IL1RAPL2: variants seen among roughly 807,000 people sequenced by gnomAD.
IL1RAPL2 encodes the protein interleukin 1 receptor accessory protein like 2.
A neutral mutation model predicts 44.1 loss-of-function variants in IL1RAPL2; 3 were observed. The observed-to-expected ratio is 0.07, with a 90% confidence interval of 0.03 to 0.18. IL1RAPL2 has a LOEUF of 0.18. IL1RAPL2 is among the 10% of genes least tolerant of loss of function. The pLI is 1.00. For synonymous variants in IL1RAPL2, 181 were observed against 178.8 expected, an observed-to-expected ratio of 1.01 and a Z score of -0.10; for missense variants, 391 against 496.4, an observed-to-expected ratio of 0.79 and a Z score of 2.02.
At chrX:104,616,310 A>G (rs1929277445) in intron 1 of IL1RAPL2, among the ~76,000 whole-genome samples, 1 of 112,300 alleles carries the variant, frequency 8.9e-6, no homozygotes, top group Non-Finnish European at 1.9e-5. Flanking sequence ...ATCTAACTTA[A>G]TCAACTCCAT....
At chrX:105,277,512 A>G (rs989778514) in intron 5 of IL1RAPL2, among the ~76,000 whole-genome samples, 3 of 110,720 alleles carry the variant, frequency 2.7e-5, no homozygotes, top group Non-Finnish European at 5.6e-5. Flanking sequence ...AAATGTTTCA[A>G]TGACCTGTTT....
At chrX:104,609,973 C>T (rs1449402734) in intron 1 of IL1RAPL2, among the ~76,000 whole-genome samples, 3 of 111,890 alleles carry the variant, frequency 2.7e-5, no homozygotes, top group Non-Finnish European at 5.6e-5. Flanking sequence ...CTGGTTTCTC[C>T]CCATCTTTGT....
intron 2 of IL1RAPL2, among the ~76,000 whole-genome samples, chrX:104,779,337 G>T (rs1225785948): frequency 8.9e-6 from 1 of 112,018 alleles, no homozygotes; most frequent in Non-Finnish European, 1.9e-5. Flanking sequence ...CACTGAGCAG[G>T]CTGATGTTTG....
intron 4 of IL1RAPL2, among the ~76,000 whole-genome samples, chrX:105,261,234 C>G (rs1298104326): frequency 8.9e-6 from 1 of 112,102 alleles, no homozygotes; most frequent in Non-Finnish European, 1.9e-5. Context: ...GGGAGGTTCT[C>G]CTGGCTCCAT....
intron 5 of IL1RAPL2, chrX:105,405,991 A>T (rs2035641180): frequency 8.3e-7 from 1 of 1,204,153 alleles, no homozygotes; most frequent in South Asian, 1.8e-5. Flanking sequence ...AAGCCTCCTG[A>T]GGGATTGTTA....
intron 6 of IL1RAPL2, among the ~76,000 whole-genome samples, chrX:105,701,124 A>G (rs1388584256): frequency 1.8e-5 from 2 of 111,676 alleles, no homozygotes; most frequent in African/African-American, 6.5e-5. Context: ...TGGGAGTTTA[A>G]AAATTTTAAT....
chrX:104,654,150 C>T (rs955520337), intron 1 of IL1RAPL2, among the ~76,000 whole-genome samples: 2 of 110,973 alleles, frequency 1.8e-5, no homozygotes, highest in Non-Finnish European at 3.8e-5. Flanking sequence ...ATTCCTTACC[C>T]TTTTCAGTTA....
intron 5 of IL1RAPL2, among the ~76,000 whole-genome samples, chrX:105,422,446 G>C (rs776682265): frequency 1.5e-4 from 17 of 112,112 alleles, no homozygotes; most frequent in Admixed American, 2.8e-4. Flanking sequence ...TCCAGTCAAA[G>C]CCTTAGTAAA....
intron 6 of IL1RAPL2, among the ~76,000 whole-genome samples, chrX:105,658,798 C>CA (rs60498943): frequency 0.097 from 9,065 of 93,171 alleles, 1,109 homozygotes; most frequent in African/African-American, 0.32. Flanking sequence ...ACTAAAAATA[C>CA]AAAAAAAAAA....
intron 9 of IL1RAPL2, chrX:105,752,863 G>GC (rs1237044515): frequency 2.6e-5 from 8 of 308,140 alleles, no homozygotes; most frequent in Non-Finnish European, 5.0e-5. Flanking sequence ...GGCTTTGAGA[G>GC]CTGTCTTCCT....
chrX:105,079,432 A>G (rs1049554598), intron 2 of IL1RAPL2, among the ~76,000 whole-genome samples: 12 of 109,066 alleles, frequency 1.1e-4, no homozygotes, highest in African/African-American at 2.0e-4. Flanking sequence ...ATGCCCATCA[A>G]TGATAGACTG....
chrX:105,195,826 C>A, intron 3 of IL1RAPL2, 78 bp downstream of exon 3: 1 of 974,346 alleles, frequency 1.0e-6, no homozygotes, highest in Non-Finnish European at 1.4e-6. Context: ...TGTAGGTATG[C>A]CTCATGTTGT....
intron 2 of IL1RAPL2, among the ~76,000 whole-genome samples, chrX:105,175,780 A>G (rs1379025032): frequency 9.0e-6 from 1 of 111,028 alleles, no homozygotes; most frequent in Admixed American, 9.6e-5. Context: ...GATTCCTTTA[A>G]CAGCATATAA....
At chrX:104,625,659 C>G (rs1929490559) in intron 1 of IL1RAPL2, among the ~76,000 whole-genome samples, 1 of 110,961 alleles carries the variant, frequency 9.0e-6, no homozygotes, top group Non-Finnish European at 1.9e-5. Context: ...GATATTTGAC[C>G]AAGATGGGAA....
At chrX:104,878,838 CT>C (rs199886540) in intron 2 of IL1RAPL2, among the ~76,000 whole-genome samples, 3 of 109,146 alleles carry the variant, frequency 2.7e-5, no homozygotes, top group East Asian at 2.9e-4. Flanking sequence ...TATTAGCTTC[CT>C]TTTTTTTTGA....
At chrX:104,813,412 G>A (rs1308044527) in intron 2 of IL1RAPL2, among the ~76,000 whole-genome samples, 1 of 105,938 alleles carries the variant, frequency 9.4e-6, no homozygotes, top group Non-Finnish European at 2.0e-5. Context: ...ATTTTTTTTT[G>A]TGGGACTCAG....
intron 7 of IL1RAPL2, among the ~76,000 whole-genome samples, chrX:105,738,851 G>C (rs1421304263): frequency 9.0e-6 from 1 of 110,695 alleles, no homozygotes; most frequent in Non-Finnish European, 1.9e-5. Context: ...AAAAAGCAAG[G>C]CTAGGAGAAA....
At chrX:105,306,615 T>C (rs973017682) in intron 5 of IL1RAPL2, among the ~76,000 whole-genome samples, 3 of 111,834 alleles carry the variant, frequency 2.7e-5, no homozygotes, top group Non-Finnish European at 3.8e-5. Context: ...TTTGATTGCC[T>C]CATGTTTCCT....
At chrX:105,603,856 G>GA (rs1379953334) in intron 6 of IL1RAPL2, among the ~76,000 whole-genome samples, 1 of 111,418 alleles carries the variant, frequency 9.0e-6, no homozygotes, top group African/African-American at 3.3e-5. Context: ...TAACTAACAA[G>GA]AAAAACTTTG....
Sources: gnomAD v4.1 joint callset for allele counts (sites outside exome capture counted in the v4.1 genomes callset) on GRCh38, gnomAD v4.1.1 for gene constraint, MANE v1.5 for transcripts, NCBI Gene and HGNC (gene_info 2026-07-23, HGNC 2026-07-21) for gene names.